Variants in ARHGAP24 observed in about 807,000 individuals in gnomAD.
ARHGAP24 encodes the protein rho GTPase-activating protein 24.
A neutral mutation model predicts 76.4 loss-of-function variants in ARHGAP24; 50 were observed. The observed-to-expected ratio is 0.65, with a 90% CI of 0.52 to 0.83. ARHGAP24 has a LOEUF of 0.83. Ranked by LOEUF, ARHGAP24 falls within the 40% of genes least tolerant of loss-of-function variation. The pLI is 0.00. For missense variants in ARHGAP24, 930 were observed against 914.2 expected (o/e 1.02, Z -0.22); for synonymous variants, 345 against 323.3 (o/e 1.07, Z -0.72).
chr4:85,986,067 A>G (rs367679016), intron 8 of ARHGAP24, among the ~76,000 whole-genome samples: 1 of 152,218 alleles, frequency 6.6e-6, no homozygotes, highest in Non-Finnish European at 1.5e-5. Context: ...TTTGCAGTCA[A>G]CTGACATGAA....
intron 1 of ARHGAP24, among the ~76,000 whole-genome samples, chr4:85,516,712 A>T (rs775330608): frequency 6.6e-6 from 1 of 150,788 alleles, no homozygotes; most frequent in Non-Finnish European, 1.5e-5. Context: ...TTTGGGATAC[A>T]TGTTGCAGAT....
chr4:85,557,954 G>A (rs1434057872), intron 1 of ARHGAP24, among the ~76,000 whole-genome samples: 1 of 152,050 alleles, frequency 6.6e-6, no homozygotes, highest in African/African-American at 2.4e-5. Context: ...ATGTATTTGG[G>A]TTCTCTCTCC....
At chr4:85,868,193 G>A (rs567191731) in intron 3 of ARHGAP24, among the ~76,000 whole-genome samples, 25 of 152,160 alleles carry the variant, frequency 1.6e-4, no homozygotes, top group Non-Finnish European at 2.8e-4. Context: ...TTTTCTGATT[G>A]GCAGTCAGTT....
In ARHGAP24 at chr4:85,738,396, TATTATTATC is replaced by T. The variant is rs1334999369; in HGVS notation, c.268+16433_268+16441del. Among the ~76,000 whole-genome samples the T allele has an allele frequency of 7.9e-3, 1,152 of 146,194 alleles. 16 individuals are homozygous for T. Among genetic ancestry groups the T allele is most frequent in the African/African-American group, 0.027 (1,080 of 39,374 alleles). ...TTATTATTATTATTATTATTATTAT[TATTATTATC>T]ATTATTATTATTATTATTGTCAGGT... On this transcript the variant is annotated intron_variant, in intron 3 of 9. Coordinates refer to ENST00000395184, the MANE Select transcript of ARHGAP24 (RefSeq NM_001025616.3).
chr4:85,958,861 T>TTCTGTC (rs1339287066), intron 5 of ARHGAP24, among the ~76,000 whole-genome samples: 2 of 152,188 alleles, frequency 1.3e-5, no homozygotes, highest in Non-Finnish European at 2.9e-5. Context: ...CTAATCTGAT[T>TTCTGTC]TCTGTCTCTA....
intron 3 of ARHGAP24, among the ~76,000 whole-genome samples, chr4:85,849,909 C>G (rs1470115444): frequency 6.6e-6 from 1 of 152,042 alleles, no homozygotes; most frequent in Admixed American, 6.6e-5. Flanking sequence ...CTAAAATACT[C>G]TTTTTTTCTT....
chr4:85,631,610 A>G (rs972807601), intron 2 of ARHGAP24, among the ~76,000 whole-genome samples: 6 of 152,102 alleles, frequency 3.9e-5, no homozygotes, highest in Non-Finnish European at 7.4e-5. Context: ...AATAGATTCA[A>G]TGTTCACTTC....
intron 1 of ARHGAP24, among the ~76,000 whole-genome samples, chr4:85,530,149 G>T (rs1725200291): frequency 6.6e-6 from 1 of 151,556 alleles, no homozygotes; most frequent in Non-Finnish European, 1.5e-5. Context: ...TCCAAATCTA[G>T]TCAACAAGTA....
At chr4:85,659,255 T>A (rs1168524752) in intron 2 of ARHGAP24, among the ~76,000 whole-genome samples, 3 of 152,196 alleles carry the variant, frequency 2.0e-5, no homozygotes, top group African/African-American at 7.2e-5. Flanking sequence ...AGAATGATGC[T>A]ACCAGTAACA....
chr4:85,767,979 C>G (rs1011850931), intron 3 of ARHGAP24, among the ~76,000 whole-genome samples: 1 of 152,074 alleles, frequency 6.6e-6, no homozygotes, highest in Non-Finnish European at 1.5e-5. Context: ...AATCTTGAGG[C>G]ATTCTGAAAG....
intron 3 of ARHGAP24, among the ~76,000 whole-genome samples, chr4:85,876,141 G>C (rs1208974822): frequency 6.6e-6 from 1 of 152,072 alleles, no homozygotes; most frequent in African/African-American, 2.4e-5. Context: ...ATTTCACAAA[G>C]GCAGAATATA....
At chr4:85,484,605 T>A (rs897856379) in intron 1 of ARHGAP24, among the ~76,000 whole-genome samples, 1 of 152,082 alleles carries the variant, frequency 6.6e-6, no homozygotes, top group African/African-American at 2.4e-5. Flanking sequence ...GTGTGTAATG[T>A]TATTTACTGT....
intron 3 of ARHGAP24, among the ~76,000 whole-genome samples, chr4:85,831,324 A>T (rs1249140314): frequency 6.6e-6 from 1 of 152,196 alleles, no homozygotes; most frequent in Non-Finnish European, 1.5e-5. Flanking sequence ...TGGGCAAGGA[A>T]CCATCAATAA....
At chr4:85,507,527 A>G (rs1724111373) in intron 1 of ARHGAP24, among the ~76,000 whole-genome samples, 1 of 152,216 alleles carries the variant, frequency 6.6e-6, no homozygotes, top group South Asian at 2.1e-4. Context: ...GTCTGTATAA[A>G]TAACTGACAT....
chr4:85,995,324 C>T lies in ARHGAP24; in HGVS notation c.1670C>T (p.Thr557Ile), dbSNP rs1482001947. ...AGCATTGACAGTGCTACCTGGTCCA[C>T]TTCCTCCTGTGAAATCTCCCTCCCT... ...KQSIDSATWSTSSCEISLPEN... is the reference protein window; with the variant it reads ...KQSIDSATWSISSCEISLPEN... The change falls in exon 9 of 10, where the codon ACT becomes ATT. Residue 557 changes from threonine (T) to isoleucine (I), a missense_variant. Transcript: ENST00000395184. 1.9e-6 allele frequency: 3 copies of T among 1,614,134 alleles called. No homozygotes were observed. The highest frequency in any genetic ancestry group is 2.2e-5 in the South Asian group (2 of 91,084).
intron 2 of ARHGAP24, among the ~76,000 whole-genome samples, chr4:85,617,682 T>C (rs1720585208): frequency 6.6e-6 from 1 of 152,202 alleles, no homozygotes; most frequent in Admixed American, 6.5e-5. Context: ...ATGATATTTC[T>C]GCAAAATTTT....
chr4:85,667,607 T>C (rs1468661838), intron 2 of ARHGAP24, among the ~76,000 whole-genome samples: 1 of 152,254 alleles, frequency 6.6e-6, no homozygotes, highest in East Asian at 1.9e-4. Flanking sequence ...CGCTGGGAGC[T>C]GTAGACCGGA....
Position 85,972,074 on chromosome 4 carries a change from T to A in ARHGAP24, c.638T>A (p.Leu213Gln), listed in dbSNP as rs765408196. The A allele has an allele frequency of 2.5e-6, 4 of 1,614,078 alleles. No homozygotes were observed. In the Admixed American group the frequency reaches 6.7e-5, roughly 27 times the overall value. The change falls in exon 6 of 10, where the codon CTG becomes CAG. Residue 213 changes from leucine (L) to glutamine (Q), a missense_variant. Leu to Gln is a moderately radical substitution (Grantham distance 113). Coordinates refer to ENST00000395184, the MANE Select transcript of ARHGAP24 (RefSeq NM_001025616.3). ...CACACGGTGGCATCACTTCTTAAGC[T>A]GTACCTCCGAGAACTTCCAGAACCA... ...DVHTVASLLK[L>Q]YLRELPEPVI...
At chr4:85,883,023 G>T (rs1446064242) in intron 3 of ARHGAP24, among the ~76,000 whole-genome samples, 2 of 152,134 alleles carry the variant, frequency 1.3e-5, no homozygotes, top group Non-Finnish European at 2.9e-5. Context: ...ATATTTAAAT[G>T]GTCCCTATCC....
Sources: allele counts gnomAD v4.1 joint callset (sites outside exome capture counted in the v4.1 genomes callset), GRCh38; gene constraint gnomAD v4.1.1; transcripts MANE v1.5; gene names NCBI Gene and HGNC (gene_info 2026-07-23, HGNC 2026-07-21).